The following NAV2 variants were observed in gnomAD, a reference collection of about 807,000 sequenced individuals.
NAV2 encodes helicase, APC down-regulated 1.
A neutral mutation model predicts 223.2 loss-of-function variants in NAV2; 54 were observed. That is an observed-to-expected ratio of 0.24 (90% CI 0.19 to 0.30). The LOEUF is 0.30. Ranked by LOEUF, NAV2 falls within the 10% of genes least tolerant of loss-of-function variation. NAV2 has a pLI of 1.00. For synonymous variants in NAV2, 1,279 were observed against 1,239.3 expected (o/e 1.03, Z -0.67); for missense variants, 2,806 against 3,147.5 (o/e 0.89, Z 2.60).
Position 19,730,856 on chromosome 11 carries a change from A to G in NAV2, c.267+16894A>G, listed in dbSNP as rs139761059. ...CCTTCCCCAATAGTCTAGCCTGCCT[A>G]CAGGTGCAGCTGCCAGCTAACATGC... On this transcript the variant is annotated intron_variant, in intron 1 of 37. Transcript: ENST00000349880. Among the ~76,000 whole-genome samples, 419 of 152,296 alleles carry G rather than the reference A, an allele frequency of 2.8e-3. 3 individuals are homozygous for G. The highest frequency in any genetic ancestry group is 9.6e-3 in the African/African-American group (399 of 41,570).
At chr11:19,964,809 CTTTTTTTTTTTTT>C (rs71050695) in intron 10 of NAV2, among the ~76,000 whole-genome samples, 1 of 57,526 alleles carries the variant, frequency 1.7e-5, no homozygotes, top group African/African-American at 7.3e-5. Context: ...CCTCATTCTA[CTTTTTTTTTTTTT>C]TTTTTTTTTT....
chr11:19,464,389 T>G (rs1468682380), intron 1 of NAV2, among the ~76,000 whole-genome samples: 1 of 112,442 alleles, frequency 8.9e-6, no homozygotes, highest in East Asian at 2.6e-4. Flanking sequence ...GTTTCAGGAA[T>G]ATGAAAGAAG....
chr11:20,101,557 G>T (rs1276251111), intron 32 of NAV2, among the ~76,000 whole-genome samples: 1 of 152,152 alleles, frequency 6.6e-6, no homozygotes, highest in Admixed American at 6.5e-5. Context: ...TAGACTGTTT[G>T]CCCCATCACC....
At chr11:19,939,816 G>A in intron 8 of NAV2, 43 bp downstream of exon 8, 11 of 1,433,126 alleles carry the variant, frequency 7.7e-6, no homozygotes, top group Non-Finnish European at 1.1e-5. Flanking sequence ...TGGTGATGAG[G>A]CCTTCCACGC....
chr11:19,872,466 T>C (rs1290838208), intron 4 of NAV2, among the ~76,000 whole-genome samples: 1 of 152,266 alleles, frequency 6.6e-6, no homozygotes, highest in Non-Finnish European at 1.5e-5. Context: ...CATTACTGCC[T>C]ATGTTTCTAT....
At chr11:19,469,619 T>C (rs912975694) in intron 1 of NAV2, among the ~76,000 whole-genome samples, 1 of 152,150 alleles carries the variant, frequency 6.6e-6, no homozygotes, top group African/African-American at 2.4e-5. Context: ...ACACTCTCAC[T>C]TGCAGGATCC....
intron 1 of NAV2, among the ~76,000 whole-genome samples, chr11:19,356,684 TG>T (rs1445611746): frequency 6.6e-6 from 1 of 152,176 alleles, no homozygotes; most frequent in African/African-American, 2.4e-5. Context: ...GGGCTGCAGC[TG>T]GGATGGATGC....
chr11:19,744,660 C>T (rs1161935435), intron 1 of NAV2, among the ~76,000 whole-genome samples: 2 of 152,102 alleles, frequency 1.3e-5, no homozygotes, highest in Non-Finnish European at 2.9e-5. Context: ...TCAGAAATCA[C>T]CTCTATGAAC....
intron 26 of NAV2, among the ~76,000 whole-genome samples, chr11:20,087,230 C>G (rs890432460): frequency 6.6e-6 from 1 of 152,154 alleles, no homozygotes; most frequent in Non-Finnish European, 1.5e-5. Flanking sequence ...GTGATGCACT[C>G]AGCTGTGCAG....
chr11:19,434,230 G>T (rs1851134132), intron 1 of NAV2, among the ~76,000 whole-genome samples: 1 of 152,156 alleles, frequency 6.6e-6, no homozygotes, highest in African/African-American at 2.4e-5. Flanking sequence ...CCATGAAATT[G>T]GACCAAGGCA....
rs2047145220 is a variant in NAV2, at chr11:19,948,767, C to T, written c.2332C>T (p.Pro778Ser). ...GRSILSLTGRPTPLSWRLGQS... is the reference protein window; with the variant it reads ...GRSILSLTGRSTPLSWRLGQS... ...TAGCATACTCAGCTTGACAGGGAGGCCCACACCTCTGTCCTGGAGACTGGG... is the reference window on the plus strand; with the variant it reads ...TAGCATACTCAGCTTGACAGGGAGGTCCACACCTCTGTCCTGGAGACTGGG... The change falls in exon 10 of 38, where the codon CCC becomes TCC. Residue 778 changes from proline (P) to serine (S), a missense_variant. This residue lies in a region of NAV2 where 1,167 missense variants were observed against 1,180.5 expected (regional missense o/e 0.99). Transcript: ENST00000349880. 3 of 1,613,352 alleles carry T rather than the reference C, an allele frequency of 1.9e-6. No homozygotes were observed. Among genetic ancestry groups the T allele is most frequent in the Non-Finnish European group, 2.5e-6 (3 of 1,179,540 alleles).
chr11:19,544,139 T>A (rs990068505), intron 1 of NAV2, among the ~76,000 whole-genome samples: 7 of 152,226 alleles, frequency 4.6e-5, no homozygotes, highest in Non-Finnish European at 5.9e-5. Flanking sequence ...TAAAAAATTA[T>A]TGAGTGTATG....
At chr11:19,644,577 T>A (rs1417140986) in intron 1 of NAV2, among the ~76,000 whole-genome samples, 1 of 152,242 alleles carries the variant, frequency 6.6e-6, no homozygotes, top group Admixed American at 6.5e-5. Context: ...TGAGGATCCC[T>A]CAGCCGTGGA....
chr11:19,838,694 G>T (rs2152930324), intron 2 of NAV2, among the ~76,000 whole-genome samples: 1 of 152,314 alleles, frequency 6.6e-6, no homozygotes, highest in East Asian at 1.9e-4. Context: ...TACGATCTTG[G>T]CTCACTGAGG....
chr11:19,672,610 T>C (rs1217361261), intron 1 of NAV2, among the ~76,000 whole-genome samples: 3 of 152,076 alleles, frequency 2.0e-5, no homozygotes, highest in Non-Finnish European at 4.4e-5. Context: ...TCTCATCTGC[T>C]TGACCCAAGG....
intron 10 of NAV2, among the ~76,000 whole-genome samples, chr11:19,949,865 C>T (rs1268614119): frequency 6.6e-6 from 1 of 152,168 alleles, no homozygotes; most frequent in Non-Finnish European, 1.5e-5. Flanking sequence ...AATCAATGAA[C>T]ACGTGAATCA....
intron 1 of NAV2, among the ~76,000 whole-genome samples, chr11:19,758,802 A>G (rs1411827000): frequency 1.3e-5 from 2 of 152,178 alleles, no homozygotes; most frequent in Non-Finnish European, 2.9e-5. Flanking sequence ...GAAGCTGGCA[A>G]TCGCCTTGTG....
chr11:19,570,800 G>A (rs941706867), intron 1 of NAV2, among the ~76,000 whole-genome samples: 1 of 152,178 alleles, frequency 6.6e-6, no homozygotes, highest in Non-Finnish European at 1.5e-5. Flanking sequence ...GTGTTTCTGA[G>A]GACATGGGGA....
intron 1 of NAV2, among the ~76,000 whole-genome samples, chr11:19,729,908 G>T (rs920780608): frequency 6.6e-6 from 1 of 152,202 alleles, no homozygotes; most frequent in African/African-American, 2.4e-5. Context: ...AGGGGAAGGG[G>T]TTGTGTACTC....
Sources: gnomAD v4.1 joint callset for allele counts (sites outside exome capture counted in the v4.1 genomes callset) on GRCh38, gnomAD v4.1.1 for gene constraint, gnomAD v4.1.1 regional missense constraint, MANE v1.5 for transcripts, NCBI Gene and HGNC (gene_info 2026-07-23, HGNC 2026-07-21) for gene names.